PTPRD: variants seen among roughly 807,000 people sequenced by gnomAD.
PTPRD encodes the protein receptor-type tyrosine-protein phosphatase delta.
PTPRD carries 34 observed loss-of-function variants against 214.5 expected under a neutral mutation model. That is an observed-to-expected ratio of 0.16 (90% CI 0.12 to 0.21). PTPRD has a LOEUF of 0.21. PTPRD is among the 10% of genes least tolerant of loss of function. The pLI is 1.00. For synonymous variants in PTPRD, 1,128 were observed against 845.7 expected (o/e 1.33, Z -5.79); for missense variants, 2,545 against 2,398.7 (o/e 1.06, Z -1.27).
At chr9:10,501,962 A>G (rs1178377773) in intron 2 of PTPRD, among the ~76,000 whole-genome samples, 1 of 151,962 alleles carries the variant, frequency 6.6e-6, no homozygotes, top group African/African-American at 2.4e-5. Context: ...TTTTGACATC[A>G]TTATGTTTTT....
chr9:10,595,871 T>A (rs553257173), intron 2 of PTPRD, among the ~76,000 whole-genome samples: 4 of 151,800 alleles, frequency 2.6e-5, no homozygotes, highest in Non-Finnish European at 5.9e-5. Context: ...TAATATGATA[T>A]CTTACAATAA....
At chr9:8,330,975 T>C (rs545919606) in intron 44 of PTPRD, among the ~76,000 whole-genome samples, 2 of 150,968 alleles carry the variant, frequency 1.3e-5, no homozygotes, top group Non-Finnish European at 2.9e-5. Flanking sequence ...ACTAAATTTA[T>C]GGTGAATGTC....
chr9:10,006,210 AATAC>A (rs2096470882), intron 4 of PTPRD, among the ~76,000 whole-genome samples: 1 of 152,056 alleles, frequency 6.6e-6, no homozygotes, highest in East Asian at 1.9e-4. Flanking sequence ...TAATCATTTT[AATAC>A]ATTGATGATT....
At chr9:10,361,213 G>A (rs935243555) in intron 2 of PTPRD, among the ~76,000 whole-genome samples, 6 of 152,184 alleles carry the variant, frequency 3.9e-5, no homozygotes, top group African/African-American at 1.2e-4. Flanking sequence ...ATATTGTATG[G>A]CTTAACAGAA....
At position 8,524,969 on chromosome 9, in the gene PTPRD, C is replaced by T. The variant is rs2139189047; in HGVS notation, c.635G>A (p.Ser212Asn). 3 of 1,613,694 alleles carry T rather than the reference C, an allele frequency of 1.9e-6. No homozygotes were observed. The highest frequency in any genetic ancestry group is 2.5e-6 in the Non-Finnish European group (3 of 1,179,712). The change falls in exon 18 of 46, where the codon AGC becomes AAC. Residue 212 changes from serine to asparagine, a missense_variant. Physicochemically the swap from Ser to Asn is conservative, Grantham distance 46. Coordinates refer to ENST00000381196, the MANE Select transcript of PTPRD (RefSeq NM_002839.4). ...AGGAGCGGAATAGCGAGTGCCCGCG[C>T]TGTTGGTGGCAACACACTCATATTT... ...QGKYECVATN[S>N]AGTRYSAPAN...
intron 11 of PTPRD, among the ~76,000 whole-genome samples, chr9:8,867,188 T>C (rs1387521038): frequency 6.6e-6 from 1 of 152,126 alleles, no homozygotes; most frequent in East Asian, 1.9e-4. Flanking sequence ...TTCTTCTCTT[T>C]CTTCCTTCTT....
At chr9:9,325,438 T>C (rs1459704787) in intron 9 of PTPRD, among the ~76,000 whole-genome samples, 1 of 152,202 alleles carries the variant, frequency 6.6e-6, no homozygotes, top group Non-Finnish European at 1.5e-5. Flanking sequence ...CTAAGAATTT[T>C]ATTCCCTTTG....
intron 9 of PTPRD, among the ~76,000 whole-genome samples, chr9:9,196,752 G>C (rs1219230542): frequency 6.6e-6 from 1 of 151,856 alleles, no homozygotes; most frequent in Non-Finnish European, 1.5e-5. Flanking sequence ...TTTTTCTTTG[G>C]TCTTTTCCTT....
intron 2 of PTPRD, among the ~76,000 whole-genome samples, chr9:10,502,506 C>A (rs866701877): frequency 2.0e-5 from 3 of 151,832 alleles, no homozygotes; most frequent in South Asian, 4.1e-4. Flanking sequence ...CAATTTTCAC[C>A]CAACTATTTG....
At chr9:10,551,657 A>G (rs1313506195) in intron 2 of PTPRD, among the ~76,000 whole-genome samples, 1 of 152,128 alleles carries the variant, frequency 6.6e-6, no homozygotes, top group Non-Finnish European at 1.5e-5. Flanking sequence ...TGGCTCTATT[A>G]TAGAATTATA....
intron 14 of PTPRD, among the ~76,000 whole-genome samples, chr9:8,630,907 C>CT (rs140774213): frequency 0.032 from 4,918 of 151,904 alleles, 281 homozygotes; most frequent in African/African-American, 0.11. Flanking sequence ...CCATTAATTC[C>CT]TTTTAAGGAG....
intron 11 of PTPRD, among the ~76,000 whole-genome samples, chr9:8,944,613 C>T (rs993547428): frequency 1.3e-5 from 2 of 151,964 alleles, no homozygotes. Flanking sequence ...AAGGATGGAA[C>T]TAAACAACAT....
intron 11 of PTPRD, among the ~76,000 whole-genome samples, chr9:8,990,006 T>C (rs897625799): frequency 7.2e-5 from 11 of 152,194 alleles, no homozygotes; most frequent in African/African-American, 2.7e-4. Flanking sequence ...CATAAAACCA[T>C]AATAATCTAG....
At chr9:10,121,525 G>A (rs1287936702) in intron 3 of PTPRD, among the ~76,000 whole-genome samples, 1 of 152,062 alleles carries the variant, frequency 6.6e-6, no homozygotes, top group African/African-American at 2.4e-5. Context: ...CAACAAAAAA[G>A]AAAGATACAT....
intron 34 of PTPRD, among the ~76,000 whole-genome samples, chr9:8,439,466 T>C (rs1014123506): frequency 3.3e-5 from 5 of 152,250 alleles, no homozygotes; most frequent in Non-Finnish European, 5.9e-5. Flanking sequence ...ACTTACTTTT[T>C]ACAAAATGGA....
intron 2 of PTPRD, among the ~76,000 whole-genome samples, chr9:10,412,116 G>T (rs1386396715): frequency 6.6e-6 from 1 of 151,702 alleles, no homozygotes; most frequent in Non-Finnish European, 1.5e-5. Flanking sequence ...CAGCCTGAGG[G>T]AAGATTTGAA....
At position 10,275,574 on chromosome 9, in the gene PTPRD, G is replaced by T. The variant is rs548388949; in HGVS notation, c.-545+65389C>A. Among the ~76,000 whole-genome samples the T allele has an allele frequency of 9.9e-5, 15 of 152,094 alleles. No individual in the cohort carries two copies. The South Asian group carries it at 2.7e-3, about 27-fold the overall frequency. Reference sequence around the variant, plus strand: ...AGTGTTATATTTAGTATCATTTTGGGGAAATGAAGGGAAGTTCGATTCCAT... The same window carrying T: ...AGTGTTATATTTAGTATCATTTTGGTGAAATGAAGGGAAGTTCGATTCCAT... On this transcript the variant is annotated intron_variant, in intron 3 of 45. Coordinates refer to ENST00000381196, the MANE Select transcript of PTPRD (RefSeq NM_002839.4).
At chr9:10,243,718 A>G (rs1008714077) in intron 3 of PTPRD, among the ~76,000 whole-genome samples, 2 of 151,866 alleles carry the variant, frequency 1.3e-5, no homozygotes, top group African/African-American at 2.4e-5. Flanking sequence ...CCTACTCACA[A>G]TCTTGCTCCA....
At chr9:8,389,698 C>T (rs1216014553) in intron 36 of PTPRD, among the ~76,000 whole-genome samples, 1 of 152,024 alleles carries the variant, frequency 6.6e-6, no homozygotes, top group African/African-American at 2.4e-5. Context: ...CTCTGTTGCA[C>T]TGGCAAAAAA....
Sources: allele counts gnomAD v4.1 joint callset (sites outside exome capture counted in the v4.1 genomes callset), GRCh38; gene constraint gnomAD v4.1.1; transcripts MANE v1.5; gene names NCBI Gene and HGNC (gene_info 2026-07-23, HGNC 2026-07-21).